NR3C1: variants seen among roughly 807,000 people sequenced by gnomAD.
The protein encoded by NR3C1 is glucocorticoid receptor.
A neutral mutation model predicts 74.0 loss-of-function variants in NR3C1; 14 were observed. The ratio of observed to expected loss-of-function variants is 0.19; its 90% CI spans 0.12 to 0.30. NR3C1 has a LOEUF of 0.30. Ranked by LOEUF, NR3C1 falls within the 10% of genes least tolerant of loss-of-function variation. The pLI is 1.00. For missense variants in NR3C1, 695 were observed against 909.8 expected (o/e 0.76, Z 3.04); for synonymous variants, 308 against 332.5 (o/e 0.93, Z 0.80).
upstream of NR3C1, chr5:143,404,490 A>C (rs1840938498): frequency 1.0e-6 from 1 of 984,360 alleles, no homozygotes; most frequent in Middle Eastern, 5.2e-4. Flanking sequence ...GTTGCAAAGC[A>C]GAACCCACCC....
intron 2 of NR3C1, among the ~76,000 whole-genome samples, chr5:143,393,092 T>C (rs544479812): frequency 1.6e-4 from 25 of 152,240 alleles, no homozygotes; most frequent in South Asian, 1.5e-3. Flanking sequence ...GTAACGAACA[T>C]AGAAAACAAG....
At chr5:143,352,627 G>A (rs1391151584) in intron 2 of NR3C1, among the ~76,000 whole-genome samples, 1 of 152,090 alleles carries the variant, frequency 6.6e-6, no homozygotes. Context: ...CAAGTCAGAC[G>A]AATTTTTTGG....
chr5:143,332,847 A>T, intron 2 of NR3C1: 1 of 1,451,994 alleles, frequency 6.9e-7, no homozygotes, highest in Non-Finnish European at 9.6e-7. Context: ...GAAAATTTTT[A>T]GTGGTATCTT....
intron 1 of NR3C1, among the ~76,000 whole-genome samples, chr5:143,416,562 T>G (rs192702572): frequency 6.6e-6 from 1 of 152,258 alleles, no homozygotes; most frequent in East Asian, 1.9e-4. Context: ...TATTACACAC[T>G]TCAATACATT....
At chr5:143,384,764 T>G (rs968459001) in intron 2 of NR3C1, among the ~76,000 whole-genome samples, 1 of 152,194 alleles carries the variant, frequency 6.6e-6, no homozygotes, top group Non-Finnish European at 1.5e-5. Context: ...CAGGCTAGCA[T>G]TGAGTGCCTA....
In NR3C1 at chr5:143,278,938, G is replaced by C. The variant is rs1812707986; in HGVS notation, c.*2951C>G. The C allele has an allele frequency of 1.2e-5, 2 of 161,510 alleles. No individual in the cohort carries two copies. Among genetic ancestry groups the C allele is most frequent in the Non-Finnish European group, 2.7e-5 (2 of 74,950 alleles). The allele number at this position is 161,510 out of a possible 1,614,324, so 10.0% of individuals were successfully genotyped here. On this transcript the variant is annotated 3_prime_UTR_variant, in exon 9 of 9. Coordinates refer to ENST00000394464, the MANE Select transcript of NR3C1 (RefSeq NM_000176.3). Reference sequence around the variant, plus strand: ...TTTCCTCCCATAGTTTTAGGCATTTGGATATATATACCCCAAAAGTGTTAT... The same window carrying C: ...TTTCCTCCCATAGTTTTAGGCATTTCGATATATATACCCCAAAAGTGTTAT...
At chr5:143,369,545 C>T (rs1833885319) in intron 2 of NR3C1, among the ~76,000 whole-genome samples, 1 of 152,134 alleles carries the variant, frequency 6.6e-6, no homozygotes, top group Non-Finnish European at 1.5e-5. Context: ...CTGTTACATG[C>T]TACAATATGG....
intron 2 of NR3C1, among the ~76,000 whole-genome samples, chr5:143,385,166 C>T (rs531141008): frequency 6.6e-6 from 1 of 152,330 alleles, no homozygotes; most frequent in South Asian, 2.1e-4. Context: ...AGCTGGGATG[C>T]AGGGCACCAT....
chr5:143,352,426 C>T (rs1830396458), intron 2 of NR3C1, among the ~76,000 whole-genome samples: 1 of 152,116 alleles, frequency 6.6e-6, no homozygotes, highest in Non-Finnish European at 1.5e-5. Context: ...TTATATCCTT[C>T]CCTAATTATA....
chr5:143,333,031 G>T, intron 2 of NR3C1: 1 of 1,592,024 alleles, frequency 6.3e-7, no homozygotes, highest in Non-Finnish European at 8.5e-7. Context: ...GAGCACCTGG[G>T]GAAGTTTGGC....
intron 2 of NR3C1, among the ~76,000 whole-genome samples, chr5:143,390,185 G>A (rs745390754): frequency 1.3e-5 from 2 of 152,112 alleles, no homozygotes; most frequent in African/African-American, 2.4e-5. Flanking sequence ...GCAAATAGTA[G>A]TAACAAAATT....
At chr5:143,331,116 T>G (rs1426535984) in intron 2 of NR3C1, among the ~76,000 whole-genome samples, 1 of 152,072 alleles carries the variant, frequency 6.6e-6, no homozygotes, top group African/African-American at 2.4e-5. Context: ...CATAGACCAA[T>G]GCAACAGAAT....
At chr5:143,324,909 C>T (rs567257502) in intron 2 of NR3C1, among the ~76,000 whole-genome samples, 4 of 152,288 alleles carry the variant, frequency 2.6e-5, no homozygotes, top group Admixed American at 2.6e-4. Flanking sequence ...GTAACCTTTG[C>T]TCCAGTTCCC....
At chr5:143,347,322 T>C (rs1829471049) in intron 2 of NR3C1, among the ~76,000 whole-genome samples, 1 of 151,870 alleles carries the variant, frequency 6.6e-6, no homozygotes, top group Non-Finnish European at 1.5e-5. Context: ...CCTCCTTCTA[T>C]GTGAAACACA....
Position 143,309,946 on chromosome 5 carries a change from T to G in NR3C1, c.1468+151A>C, listed in dbSNP as rs528543121. 7.1e-5 allele frequency: 46 copies of G among 648,538 alleles called. 1 individual carries two copies. In the South Asian group the frequency reaches 8.0e-4, roughly 11 times the overall value. The allele number at this position is 648,538 out of a possible 1,614,324, so 40.2% of individuals were successfully genotyped here. A position where few individuals can be genotyped will look rare whatever the true frequency, so the allele number is the denominator to read the frequency against. On this transcript the variant is annotated intron_variant, in intron 4 of 8. Transcript: ENST00000394464. ...ACATATTCATGAAAAAAATTTCCCA[T>G]TTTTATTGGGCAGTAACATTATGCT...
At chr5:143,354,152 G>A (rs1447427126) in intron 2 of NR3C1, among the ~76,000 whole-genome samples, 1 of 152,222 alleles carries the variant, frequency 6.6e-6, no homozygotes, top group East Asian at 1.9e-4. Flanking sequence ...TAGAATTGAA[G>A]AGAGTTAAGC....
chr5:143,354,720 C>T (rs568441001), intron 2 of NR3C1, among the ~76,000 whole-genome samples: 2 of 152,052 alleles, frequency 1.3e-5, no homozygotes, highest in African/African-American at 4.8e-5. Flanking sequence ...GTCAGGAGTT[C>T]GAGACCAGCC....
intron 1 of NR3C1, among the ~76,000 whole-genome samples, chr5:143,424,020 C>T (rs1294462561): frequency 3.1e-5 from 4 of 128,246 alleles, no homozygotes; most frequent in African/African-American, 1.2e-4. Context: ...AATGAGAACA[C>T]ATGGACACAG....
rs181014525 is a variant in NR3C1 at position 143,423,099 on chromosome 5, A to G, written c.-14+11433T>C. 5.8e-4 allele frequency among the ~76,000 whole-genome samples: 89 copies of G among 152,336 alleles called. No homozygotes were observed. In the East Asian group the frequency reaches 0.011, roughly 19 times the overall value. ...AAATATTTTTTGAATAAGACATCAA[A>G]AGCACAGTCAACCAGTGCAAAAGTG... On this transcript the variant is annotated intron_variant, in intron 1 of 8. Coordinates refer to the NR3C1 transcript ENST00000343796.
Sources: gnomAD v4.1 joint callset for allele counts (sites outside exome capture counted in the v4.1 genomes callset) on GRCh38, gnomAD v4.1.1 for gene constraint, MANE v1.5 for transcripts, NCBI Gene and HGNC (gene_info 2026-07-23, HGNC 2026-07-21) for gene names.